Variants in CLEC6A observed in about 807,000 individuals in gnomAD.
CLEC6A encodes the protein C-type lectin domain containing 6A, also known as C-type lectin domain family 6 member A.
CLEC6A carries 22 observed loss-of-function variants against 25.7 expected under a neutral mutation model. The ratio of observed to expected loss-of-function variants is 0.85; its 90% CI spans 0.61 to 1.22. The LOEUF is 1.22. CLEC6A is among the 50% of genes most tolerant of loss of function. The pLI, the probability that CLEC6A is intolerant of heterozygous loss-of-function variation, is 0.00. For missense variants in CLEC6A, 240 were observed against 236.8 expected (o/e 1.01, Z -0.09); for synonymous variants, 92 against 76.7 (o/e 1.20, Z -1.04).
chr12:8,475,714 C>T (rs1444566467), intron 4 of CLEC6A, among the ~76,000 whole-genome samples: 1 of 152,088 alleles, frequency 6.6e-6, no homozygotes, highest in Non-Finnish European at 1.5e-5. Context: ...TACTACTGAG[C>T]TTACCAATTC....
In CLEC6A at chr12:8,457,986, A is replaced by G; in HGVS notation, c.120A>G (p.Val40=). 2 of 1,609,300 alleles carry G rather than the reference A, an allele frequency of 1.2e-6. No individual in the cohort carries two copies. Among genetic ancestry groups the G allele is most frequent in the East Asian group, 2.2e-5 (1 of 44,854 alleles). The change falls in exon 2 of 6, where the codon GTA becomes GTG. Residue 40 remains valine (V), a splice_region_variant and synonymous_variant. Coordinates refer to ENST00000382073, the MANE Select transcript of CLEC6A (RefSeq NM_001007033.2). ...LLSACFIVSC[V]VTYHFTYGET... is the part of the protein sequence containing the mutation. ...GTGCTTGCTTCATTGTGAGCTGTGT[A>G]GGTAAGTTCTTCACTGAGGTGCATT... is the stretch of plus-strand genomic sequence containing the variant.
intron 4 of CLEC6A, among the ~76,000 whole-genome samples, chr12:8,470,798 T>C (rs915038183): frequency 3.9e-5 from 6 of 152,092 alleles, no homozygotes; most frequent in African/African-American, 1.4e-4. Flanking sequence ...GGGTACAGTG[T>C]ACACTGCTTA....
Position 8,456,125 on chromosome 12 carries a change from A to G in CLEC6A, c.14A>G (p.Gln5Arg), listed in dbSNP as rs1266305837. 2 of 1,613,968 alleles carry G rather than the reference A, an allele frequency of 1.2e-6. No homozygotes were observed. Among genetic ancestry groups the G allele is most frequent in the Non-Finnish European group, 1.7e-6 (2 of 1,179,916 alleles). The part of the protein sequence containing the change: MMQE[Q>R]QPQSTEKRGW... ...GGAGCCTGCATAATGATGCAAGAGC[A>G]GCAACCTCAAAGTACAGGTGAGTAT... Residue 5 changes from glutamine (Q) to arginine (R), a missense_variant, in exon 1 of 6, where the codon CAG becomes CGG. Physicochemically the swap from Gln to Arg is conservative, Grantham distance 43. Coordinates refer to ENST00000382073, the MANE Select transcript of CLEC6A (RefSeq NM_001007033.2).
At chr12:8,459,228 A>G (rs1050699964) in intron 2 of CLEC6A, among the ~76,000 whole-genome samples, 1 of 152,010 alleles carries the variant, frequency 6.6e-6, no homozygotes, top group East Asian at 1.9e-4. Flanking sequence ...TTTATAATAA[A>G]ATATTTTTAA....
chr12:8,467,327 C>T lies in CLEC6A; in HGVS notation c.369+1698C>T, dbSNP rs144818726. Among the ~76,000 whole-genome samples the T allele has an allele frequency of 7.4e-3, 1,127 of 152,138 alleles. 12 individuals carry two copies. The highest frequency in any genetic ancestry group is 0.012 in the Non-Finnish European group (842 of 68,000). On this transcript the variant is annotated intron_variant, in intron 4 of 5. Coordinates refer to ENST00000382073, the MANE Select transcript of CLEC6A (RefSeq NM_001007033.2). Reference sequence around the variant, plus strand: ...TTCCTGGAGTTTTACAGTTTTAGGCCTTTGTTTAGGTCTTTAAAACATTTT... The same window carrying T: ...TTCCTGGAGTTTTACAGTTTTAGGCTTTTGTTTAGGTCTTTAAAACATTTT...
chr12:8,461,339 C>A (rs1344325981), intron 3 of CLEC6A: 2 of 482,352 alleles, frequency 4.1e-6, no homozygotes, highest in Middle Eastern at 5.8e-4. Context: ...GCATAGTTTT[C>A]TTCTCACCTA....
intron 4 of CLEC6A, among the ~76,000 whole-genome samples, chr12:8,467,275 G>A (rs188794395): frequency 6.6e-6 from 1 of 152,202 alleles, no homozygotes; most frequent in African/African-American, 2.4e-5. Flanking sequence ...TAATTTCAAT[G>A]TCATGAATCT....
chr12:8,460,878 C>T (rs773223274), intron 3 of CLEC6A: 14 of 880,400 alleles, frequency 1.6e-5, no homozygotes, highest in Admixed American at 5.1e-5. Flanking sequence ...CTGTCTATCA[C>T]GGTGTTAACC....
At chr12:8,459,507 T>C in intron 2 of CLEC6A, 90 bp from the exon 3 acceptor site, 1 of 759,320 alleles carries the variant, frequency 1.3e-6, no homozygotes, top group Non-Finnish European at 2.3e-6. Flanking sequence ...GCAGTGGGGG[T>C]CAGAGGTAAG....
At position 8,459,651 on chromosome 12, in the gene CLEC6A, C is replaced by T. The variant is rs769178216; in HGVS notation, c.176C>T (p.Ser59Leu). 1 of 1,613,572 alleles carries T rather than the reference C, an allele frequency of 6.2e-7. No individual in the cohort carries two copies. Among genetic ancestry groups the T allele is most frequent in the East Asian group, 2.2e-5 (1 of 44,882 alleles). The change falls in exon 3 of 6, where the codon TCA becomes TTA. Residue 59 changes from serine (S) to leucine (L), a missense_variant. By Grantham distance (145) the Ser-to-Leu change is moderately radical. Coordinates refer to ENST00000382073, the MANE Select transcript of CLEC6A (RefSeq NM_001007033.2). ...GGCAAAAGGCTGTCTGAACTACACT[C>T]ATATCATTCAAGTCTCACCTGCTTC... ...ETGKRLSELH[S>L]YHSSLTCFSE...
At chr12:8,462,043 C>T (rs765201979) in intron 3 of CLEC6A, among the ~76,000 whole-genome samples, 6 of 152,318 alleles carry the variant, frequency 3.9e-5, no homozygotes, top group Non-Finnish European at 8.8e-5. Flanking sequence ...CCTTGAGATG[C>T]TGTTAATCTG....
rs75947861 is a variant in CLEC6A at position 8,457,949 on chromosome 12, T to C, written c.83T>C (p.Ile28Thr). The change falls in exon 2 of 6, where the codon ATT becomes ACT. Residue 28 changes from isoleucine (I) to threonine (T), a missense_variant. Transcript: ENST00000382073. ...CTCTGGTCTGTGGCTGGGATTTCCATTGCACTCCTCAGTGCTTGCTTCATT... is the reference window on the plus strand; with the variant it reads ...CTCTGGTCTGTGGCTGGGATTTCCACTGCACTCCTCAGTGCTTGCTTCATT... ...LRLWSVAGIS[I>T]ALLSACFIVS... The C allele has an allele frequency of 6.2e-7, 1 of 1,613,890 alleles. No homozygotes were observed. Among genetic ancestry groups the C allele is most frequent in the African/African-American group, 1.3e-5 (1 of 74,908 alleles).
chr12:8,472,819 T>A (rs1448883098), intron 4 of CLEC6A, among the ~76,000 whole-genome samples: 1 of 152,130 alleles, frequency 6.6e-6, no homozygotes, highest in East Asian at 1.9e-4. Flanking sequence ...TATTGCACAA[T>A]GCTGAGGTTT....
At chr12:8,462,456 G>A (rs1306408512) in intron 3 of CLEC6A, among the ~76,000 whole-genome samples, 2 of 141,372 alleles carry the variant, frequency 1.4e-5, no homozygotes, top group Admixed American at 1.4e-4. Context: ...GCAATGGAAT[G>A]TCTCGGTATA....
intron 4 of CLEC6A, among the ~76,000 whole-genome samples, chr12:8,469,138 TATCAGTGGCC>T (rs1358261266): frequency 6.6e-6 from 1 of 152,152 alleles, no homozygotes; most frequent in African/African-American, 2.4e-5. Context: ...TGCTATATAC[TATCAGTGGCC>T]ATGTGGAGAA....
chr12:8,464,369 G>T (rs1295504841), intron 3 of CLEC6A, among the ~76,000 whole-genome samples: 4 of 145,504 alleles, frequency 2.7e-5, no homozygotes, highest in South Asian at 2.1e-4. Context: ...TCTCTCTGTC[G>T]CCCAGGCTGG....
intron 3 of CLEC6A, chr12:8,460,578 A>T: frequency 1.0e-6 from 1 of 981,518 alleles, no homozygotes. Flanking sequence ...GAAAAGGGGA[A>T]GAGCCTTTCT....
chr12:8,467,548 T>C (rs1223926275), intron 4 of CLEC6A, among the ~76,000 whole-genome samples: 1 of 152,170 alleles, frequency 6.6e-6, no homozygotes, highest in Non-Finnish European at 1.5e-5. Flanking sequence ...CATTGGTCTC[T>C]ATGTCTGTCT....
At chr12:8,458,059 A>G in intron 2 of CLEC6A, 72 bp downstream of exon 2, 1 of 1,088,808 alleles carries the variant, frequency 9.2e-7, no homozygotes, top group Non-Finnish European at 1.4e-6. Flanking sequence ...TTCCTAGGAT[A>G]TATTCTCCTT....
Sources: allele counts gnomAD v4.1 joint callset (sites outside exome capture counted in the v4.1 genomes callset), GRCh38; gene constraint gnomAD v4.1.1; transcripts MANE v1.5; gene names NCBI Gene and HGNC (gene_info 2026-07-23, HGNC 2026-07-21).